Variants in SLC4A4 observed in about 807,000 individuals in gnomAD.
The protein encoded by SLC4A4 is electrogenic sodium bicarbonate cotransporter 1.
SLC4A4 carries 27 observed loss-of-function variants against 111.5 expected under a neutral mutation model. That is an observed-to-expected ratio of 0.24 (90% confidence interval 0.18 to 0.33). The LOEUF (loss-of-function observed/expected upper bound fraction) is 0.33, where lower values mean the gene tolerates loss of function less well. Ranked by LOEUF, SLC4A4 falls within the 10% of genes least tolerant of loss-of-function variation. The pLI, the probability that SLC4A4 is intolerant of heterozygous loss-of-function variation, is 1.00. For synonymous variants in SLC4A4, 443 were observed against 463.4 expected (o/e 0.96, Z 0.57); for missense variants, 909 against 1,315.5 (o/e 0.69, Z 4.78).
At position 71,328,706 on chromosome 4, in the gene SLC4A4, T is replaced by G. The variant is rs534823706; in HGVS notation, c.254-10664T>G. Among the ~76,000 whole-genome samples, 9 of 152,112 alleles carry G rather than the reference T, an allele frequency of 5.9e-5. No individual in the cohort carries two copies. In the East Asian group the frequency reaches 1.4e-3, roughly 23 times the overall value. On this transcript the variant is annotated intron_variant, in intron 3 of 25. Coordinates refer to ENST00000264485, the MANE Select transcript of SLC4A4 (RefSeq NM_001098484.3). ...ATTGAGTTGTTTTTAACTCCCTATATATTCTGGTTATTAATTCCTTGTCAG... is the reference window on the plus strand; with the variant it reads ...ATTGAGTTGTTTTTAACTCCCTATAGATTCTGGTTATTAATTCCTTGTCAG...
chr4:71,351,595 C>T (rs1424891024), intron 5 of SLC4A4, among the ~76,000 whole-genome samples: 2 of 152,174 alleles, frequency 1.3e-5, no homozygotes, highest in Non-Finnish European at 2.9e-5. Context: ...TGGCTCATGC[C>T]TGTAATCCCA....
chr4:71,350,644 C>T (rs1027546528), intron 5 of SLC4A4, among the ~76,000 whole-genome samples: 3 of 152,206 alleles, frequency 2.0e-5, no homozygotes, highest in African/African-American at 7.2e-5. Context: ...ACATATGCCT[C>T]ACTTGACAGC....
chr4:71,394,247 T>C (rs532797084), intron 6 of SLC4A4, among the ~76,000 whole-genome samples: 2 of 152,080 alleles, frequency 1.3e-5, no homozygotes, highest in African/African-American at 4.8e-5. Context: ...CTCTCCACAT[T>C]CTACACATCT....
At chr4:71,274,952 CAA>C (rs1451645744) in intron 3 of SLC4A4, among the ~76,000 whole-genome samples, 1 of 151,872 alleles carries the variant, frequency 6.6e-6, no homozygotes, top group East Asian at 1.9e-4. Flanking sequence ...AACAAAAACT[CAA>C]AAGTAGTTTG....
At chr4:71,534,830 G>GT (rs1158322625) in intron 18 of SLC4A4, among the ~76,000 whole-genome samples, 2 of 152,012 alleles carry the variant, frequency 1.3e-5, no homozygotes, top group African/African-American at 2.4e-5. Flanking sequence ...TGTACATCCT[G>GT]TTTTTTGTCT....
chr4:71,199,799 C>T (rs529442799), intron 1 of SLC4A4, among the ~76,000 whole-genome samples: 1 of 152,158 alleles, frequency 6.6e-6, no homozygotes, highest in South Asian at 2.1e-4. Flanking sequence ...TACAGGAGCG[C>T]ACCACCATGC....
chr4:71,533,838 G>T (rs1262812427), intron 17 of SLC4A4, among the ~76,000 whole-genome samples: 1 of 151,886 alleles, frequency 6.6e-6, no homozygotes, highest in Non-Finnish European at 1.5e-5. Flanking sequence ...TGAATTTCTT[G>T]CTATCTTTTT....
intron 2 of SLC4A4, among the ~76,000 whole-genome samples, chr4:71,180,580 A>T (rs1392472172): frequency 6.6e-6 from 1 of 152,240 alleles, no homozygotes; most frequent in Non-Finnish European, 1.5e-5. Flanking sequence ...ACATTTATGC[A>T]GCCAACACAC....
At chr4:71,239,523 T>G (rs1437393412) in intron 2 of SLC4A4, among the ~76,000 whole-genome samples, 3 of 152,182 alleles carry the variant, frequency 2.0e-5, no homozygotes, top group Non-Finnish European at 4.4e-5. Context: ...TTCACCTTGT[T>G]CAACTTTACT....
intron 14 of SLC4A4, among the ~76,000 whole-genome samples, chr4:71,481,656 G>A (rs575046619): frequency 2.2e-3 from 331 of 151,800 alleles, no homozygotes; most frequent in African/African-American, 7.6e-3. Context: ...CAAGGTCATC[G>A]CCAAGGTCTG....
chr4:71,289,984 TG>T (rs1265523947), intron 3 of SLC4A4, among the ~76,000 whole-genome samples: 2 of 152,176 alleles, frequency 1.3e-5, no homozygotes, highest in Non-Finnish European at 2.9e-5. Context: ...GTTGGAGTAG[TG>T]GAGCTAAGGG....
rs567393860 is a variant in SLC4A4, at chr4:71,436,504, A to C, written c.808-4112A>C. On this transcript the variant is annotated intron_variant, in intron 7 of 25. Coordinates refer to ENST00000264485, the MANE Select transcript of SLC4A4 (RefSeq NM_001098484.3). ...GCAAACCACCACAGCACGTGTATAC[A>C]TATGTAACAAACCTGCACATTCTGC... 1.5e-4 allele frequency among the ~76,000 whole-genome samples: 23 copies of C among 152,290 alleles called. No homozygotes were observed. In the South Asian group the frequency reaches 4.8e-3, roughly 32 times the overall value.
chr4:71,434,941 A>G (rs527583507), intron 7 of SLC4A4, among the ~76,000 whole-genome samples: 2 of 152,216 alleles, frequency 1.3e-5, no homozygotes, highest in South Asian at 4.1e-4. Flanking sequence ...ATGGAAAAAC[A>G]TTCCATGCTC....
chr4:71,304,642 T>C (rs921190092), intron 3 of SLC4A4, among the ~76,000 whole-genome samples: 1 of 152,234 alleles, frequency 6.6e-6, no homozygotes, highest in Non-Finnish European at 1.5e-5. Flanking sequence ...ACATAATTGC[T>C]GTTATAAAAG....
intron 2 of SLC4A4, among the ~76,000 whole-genome samples, chr4:71,129,297 G>A (rs1743636525): frequency 6.6e-6 from 1 of 152,066 alleles, no homozygotes; most frequent in South Asian, 2.1e-4. Context: ...ATTAAAAAGT[G>A]GGCAAAAGTC....
Position 71,349,027 on chromosome 4 carries a change from T to C in SLC4A4, c.390-885T>C, listed in dbSNP as rs73826272. 7.9e-3 allele frequency among the ~76,000 whole-genome samples: 1,202 copies of C among 152,346 alleles called. 16 individuals carry two copies. The highest frequency in any genetic ancestry group is 0.026 in the African/African-American group (1,064 of 41,580). On this transcript the variant is annotated intron_variant, in intron 4 of 25. Transcript: ENST00000264485. ...GATGAATAGCAAAACGATGTTGCTT[T>C]CCCATTTTCCTTTAACAGTGTAGGA...
intron 2 of SLC4A4, among the ~76,000 whole-genome samples, chr4:71,110,358 G>T (rs1359542574): frequency 6.6e-6 from 1 of 151,960 alleles, no homozygotes; most frequent in African/African-American, 2.4e-5. Context: ...GGGACTACAG[G>T]CACATGTTAC....
Position 71,465,449 on chromosome 4 carries a change from CA to C in SLC4A4, c.1498-992del, listed in dbSNP as rs148550151. Among the ~76,000 whole-genome samples, 21 of 150,946 alleles carry C rather than the reference CA, an allele frequency of 1.4e-4. No individual in the cohort carries two copies. In the East Asian group the frequency reaches 3.0e-3, roughly 22 times the overall value. ...TTATGTCTACAAAAGAACCTTCCTA[CA>C]AATACACATGTGCTTGTCTATAGGT... On this transcript the variant is annotated intron_variant, in intron 12 of 25. Coordinates refer to ENST00000264485, the MANE Select transcript of SLC4A4 (RefSeq NM_001098484.3).
At chr4:71,487,970 G>C (rs1729573988) in intron 15 of SLC4A4, among the ~76,000 whole-genome samples, 1 of 151,450 alleles carries the variant, frequency 6.6e-6, no homozygotes, top group Non-Finnish European at 1.5e-5. Context: ...AAAAGTATGT[G>C]TATATGTTTT....
Sources: allele counts gnomAD v4.1 joint callset (sites outside exome capture counted in the v4.1 genomes callset), GRCh38; gene constraint gnomAD v4.1.1; transcripts MANE v1.5; gene names NCBI Gene and HGNC (gene_info 2026-07-23, HGNC 2026-07-21).